Variants in PAK3 observed in about 807,000 individuals in gnomAD.
PAK3 encodes the protein p21 (RAC1) activated kinase 3.
In PAK3, 4 loss-of-function variants were observed where a neutral mutation model predicts 41.0. The observed-to-expected ratio is 0.10, with a 90% CI of 0.05 to 0.22. The LOEUF (loss-of-function observed/expected upper bound fraction) is 0.22. PAK3 is among the 10% of genes least tolerant of loss of function. The pLI is 1.00. For missense variants in PAK3, 205 were observed against 409.9 expected (o/e 0.50, Z 4.32); for synonymous variants, 146 against 139.6 (o/e 1.05, Z -0.32).
At chrX:110,978,965 T>TG (rs2091394413) in intron 1 of PAK3, among the ~76,000 whole-genome samples, 1 of 111,500 alleles carries the variant, frequency 9.0e-6, no homozygotes, top group Non-Finnish European at 1.9e-5. Flanking sequence ...GAAACCTTGT[T>TG]GGGGGGCTTT....
intron 11 of PAK3, among the ~76,000 whole-genome samples, chrX:111,178,775 T>G (rs1004698831): frequency 1.8e-5 from 2 of 109,845 alleles, no homozygotes; most frequent in Non-Finnish European, 3.8e-5. Context: ...TTAGAGGGTA[T>G]AGGAATTTAA....
At chrX:110,971,199 T>G (rs969234593) in intron 1 of PAK3, among the ~76,000 whole-genome samples, 1 of 112,267 alleles carries the variant, frequency 8.9e-6, no homozygotes, top group Non-Finnish European at 1.9e-5. Context: ...TTTTATTCAG[T>G]GCTCTCAAAA....
At chrX:111,105,960 A>G (rs1244820628) in intron 4 of PAK3, among the ~76,000 whole-genome samples, 3 of 112,110 alleles carry the variant, frequency 2.7e-5, no homozygotes, top group Non-Finnish European at 5.6e-5. Flanking sequence ...ACAAATTCAC[A>G]TAAACATACA....
chrX:111,074,922 A>AG (rs1227810739), intron 1 of PAK3, among the ~76,000 whole-genome samples: 5 of 111,610 alleles, frequency 4.5e-5, no homozygotes, highest in African/African-American at 1.6e-4. Context: ...TTCATGCCCT[A>AG]GGGGTCTGTG....
chrX:111,151,640 C>A (rs764940392), intron 7 of PAK3, among the ~76,000 whole-genome samples: 27 of 111,940 alleles, frequency 2.4e-4, no homozygotes, highest in Non-Finnish European at 4.3e-4. Context: ...TAGTACTGAA[C>A]CTTATGTATA....
chrX:111,127,497 A>G (rs950573232), intron 5 of PAK3, among the ~76,000 whole-genome samples: 2 of 111,301 alleles, frequency 1.8e-5, no homozygotes, highest in Non-Finnish European at 3.8e-5. Flanking sequence ...TTATTTTGTT[A>G]GTGACTGTTC....
intron 1 of PAK3, among the ~76,000 whole-genome samples, chrX:111,055,974 A>G (rs1423932454): frequency 9.2e-6 from 1 of 108,558 alleles, no homozygotes; most frequent in Non-Finnish European, 1.9e-5. Context: ...CTTCTTTCCC[A>G]TTTTCTCCCA....
chrX:110,975,983 G>A (rs2091319838), intron 1 of PAK3, among the ~76,000 whole-genome samples: 1 of 112,054 alleles, frequency 8.9e-6, no homozygotes, highest in Admixed American at 9.4e-5. Context: ...AGACTTAAAT[G>A]TTAGACCTAA....
At chrX:111,213,775 A>G (rs1430890844) in intron 16 of PAK3, among the ~76,000 whole-genome samples, 1 of 112,225 alleles carries the variant, frequency 8.9e-6, no homozygotes, top group African/African-American at 3.2e-5. Flanking sequence ...TTTTGTTTTA[A>G]TAAAGGAATA....
At chrX:111,068,007 A>T (rs915284139) in intron 1 of PAK3, among the ~76,000 whole-genome samples, 1 of 110,625 alleles carries the variant, frequency 9.0e-6, no homozygotes, top group African/African-American at 3.3e-5. Context: ...TTATTGGGTA[A>T]ATTTTAGTAA....
At chrX:111,144,127 A>G (rs543728004) in intron 6 of PAK3, among the ~76,000 whole-genome samples, 2 of 111,974 alleles carry the variant, frequency 1.8e-5, no homozygotes, top group African/African-American at 3.2e-5. Context: ...TTTGCTGTCA[A>G]TTAGAACCCA....
chrX:111,154,644 C>T (rs142204137), intron 8 of PAK3, among the ~76,000 whole-genome samples: 37 of 111,310 alleles, frequency 3.3e-4, no homozygotes, highest in African/African-American at 1.2e-3. Context: ...TCAGATTCCC[C>T]AAAACAGAAC....
At chrX:111,196,698 C>A (rs1256594387) in intron 16 of PAK3, 58 bp downstream of exon 16, 4 of 864,302 alleles carry the variant, frequency 4.6e-6, no homozygotes, top group Non-Finnish European at 6.9e-6. Flanking sequence ...GGCCAAATAT[C>A]ATTTCTGGCT....
chrX:110,972,296 T>C (rs1291951227), intron 1 of PAK3, among the ~76,000 whole-genome samples: 1 of 111,564 alleles, frequency 9.0e-6, no homozygotes, highest in Non-Finnish European at 1.9e-5. Flanking sequence ...GACCCCCGTG[T>C]AGCCTAAATG....
chrX:111,161,862 A>C (rs1485907587), intron 8 of PAK3, among the ~76,000 whole-genome samples: 1 of 111,469 alleles, frequency 9.0e-6, no homozygotes, highest in Non-Finnish European at 1.9e-5. Context: ...TGTTTTGGTT[A>C]CTGTAGCCTT....
At chrX:111,150,151 T>C (rs935632230) in intron 7 of PAK3, among the ~76,000 whole-genome samples, 2 of 111,932 alleles carry the variant, frequency 1.8e-5, no homozygotes, top group Non-Finnish European at 3.8e-5. Context: ...AAGAGTCACC[T>C]TTGCTCCAGT....
intron 1 of PAK3, among the ~76,000 whole-genome samples, chrX:110,953,276 C>T (rs1168616768): frequency 3.6e-5 from 4 of 111,467 alleles, no homozygotes; most frequent in Non-Finnish European, 7.5e-5. Context: ...GTCCAGGGTT[C>T]GAGTTCTGGT....
At chrX:110,969,259 C>A (rs1227381216) in intron 1 of PAK3, among the ~76,000 whole-genome samples, 2 of 102,912 alleles carry the variant, frequency 1.9e-5, no homozygotes, top group African/African-American at 7.1e-5. Flanking sequence ...ATTGCTACAG[C>A]ATTACTTGTC....
At chrX:110,992,450 T>G (rs966683400) in intron 1 of PAK3, among the ~76,000 whole-genome samples, 1 of 109,828 alleles carries the variant, frequency 9.1e-6, no homozygotes, top group Non-Finnish European at 1.9e-5. Flanking sequence ...TATTTGGCAC[T>G]CCTATAAGCA....
Sources: gnomAD v4.1 joint callset for allele counts (sites outside exome capture counted in the v4.1 genomes callset) on GRCh38, gnomAD v4.1.1 for gene constraint, MANE v1.5 for transcripts, NCBI Gene and HGNC (gene_info 2026-07-23, HGNC 2026-07-21) for gene names.